FBXO34: variants seen among roughly 807,000 people sequenced by gnomAD.
FBXO34 encodes F-box only protein 34.
Under a neutral mutation model 24.5 loss-of-function variants are expected in FBXO34, and 12 were observed. The ratio of observed to expected loss-of-function variants is 0.49; its 90% CI spans 0.31 to 0.79. FBXO34 has a LOEUF of 0.79. Ranked by LOEUF, FBXO34 falls within the 30% of genes least tolerant of loss-of-function variation. FBXO34 has a pLI of 0.04. For synonymous variants in FBXO34, 320 were observed against 311.9 expected (o/e 1.03, Z -0.27); for missense variants, 823 against 857.7 (o/e 0.96, Z 0.51).
chr14:55,357,822 A>G (rs1404295819), downstream of FBXO34, among the ~76,000 whole-genome samples: 1 of 152,254 alleles, frequency 6.6e-6, no homozygotes, highest in African/African-American at 2.4e-5. Flanking sequence ...AGATGTTGAT[A>G]AAGTTCTTAA....
chr14:55,325,164 T>A (rs1883298749), intron 1 of FBXO34, among the ~76,000 whole-genome samples: 1 of 152,242 alleles, frequency 6.6e-6, no homozygotes, highest in Admixed American at 6.5e-5. Context: ...ATTATTTCCC[T>A]ATAAGAATTT....
At chr14:55,330,791 A>G (rs983037994) in intron 1 of FBXO34, among the ~76,000 whole-genome samples, 7 of 152,154 alleles carry the variant, frequency 4.6e-5, no homozygotes, top group Admixed American at 1.3e-4. Context: ...CCCTGGTTCA[A>G]TCAATCAGTA....
chr14:55,354,830 A>G (rs10150760), downstream of FBXO34, among the ~76,000 whole-genome samples: 63,006 of 151,896 alleles, frequency 0.41, 13,279 homozygotes, highest in Non-Finnish European at 0.43. Flanking sequence ...TGAAAACAGC[A>G]GGCTTTTAAA....
intron 1 of FBXO34, among the ~76,000 whole-genome samples, chr14:55,328,183 T>C (rs372811599): frequency 1.3e-5 from 2 of 152,076 alleles, no homozygotes; most frequent in Admixed American, 1.3e-4. Context: ...GGTCTCGAAC[T>C]CCTGACCTCA....
At chr14:55,441,452 C>T in the FBXO34 span, among the ~76,000 whole-genome samples, 70 of 152,244 alleles carry the variant, frequency 4.6e-4, no homozygotes, top group Admixed American at 3.2e-3. Context: ...CACTGCATTC[C>T]GCCAGGGATG....
At chr14:55,348,214 T>C (rs10134838) in intron 1 of FBXO34, among the ~76,000 whole-genome samples, 5,586 of 152,186 alleles carry the variant, frequency 0.037, 250 homozygotes, top group East Asian at 0.12. Context: ...GTTGGGTTTG[T>C]TTGGTTGGGT....
chr14:55,352,584 C>T lies in FBXO34; in HGVS notation c.*58C>T, dbSNP rs966828794. On this transcript the variant is annotated 3_prime_UTR_variant, in exon 2 of 2. Transcript: ENST00000313833. Reference sequence around the variant, plus strand: ...TCTAAAGCTGCAAAACACCTAGATACACCGTTCAAATGAGCGTAGCCCCCT... The same window carrying T: ...TCTAAAGCTGCAAAACACCTAGATATACCGTTCAAATGAGCGTAGCCCCCT... The T allele has an allele frequency of 3.5e-6, 5 of 1,418,194 alleles. No homozygotes were observed. Among genetic ancestry groups the T allele is most frequent in the Non-Finnish European group, 4.8e-6 (5 of 1,047,106 alleles). 87.9% of individuals were successfully genotyped at this position (1,418,194 alleles called of 1,614,324 possible).
the FBXO34 span, chr14:55,380,824 T>G: frequency 5.9e-6 from 2 of 339,490 alleles, no homozygotes; most frequent in South Asian, 6.9e-5. Flanking sequence ...AGATGCTCCA[T>G]GACCAGACAT....
the FBXO34 span, among the ~76,000 whole-genome samples, chr14:55,428,359 G>A: frequency 6.6e-6 from 1 of 151,916 alleles, no homozygotes; most frequent in Non-Finnish European, 1.5e-5. Flanking sequence ...TCGATCTCCT[G>A]ACCTCGTGAT....
chr14:55,336,973 T>A (rs1014277305), intron 1 of FBXO34, among the ~76,000 whole-genome samples: 2 of 97,936 alleles, frequency 2.0e-5, no homozygotes, highest in Non-Finnish European at 3.3e-5. Flanking sequence ...CTCTTTTTTT[T>A]ATTTTATTTT....
chr14:55,370,457 A>G (rs1884788645), downstream of FBXO34, among the ~76,000 whole-genome samples: 1 of 152,200 alleles, frequency 6.6e-6, no homozygotes, highest in Non-Finnish European at 1.5e-5. Flanking sequence ...AACTGTTTAG[A>G]ATATATTCAG....
At chr14:55,318,345 TA>T (rs1883004757) in intron 1 of FBXO34, 1 of 1,480 alleles carries the variant, frequency 6.8e-4, no homozygotes, top group African/African-American at 8.6e-4. Flanking sequence ...TATATATATA[TA>T]TATATATATA....
At chr14:55,339,091 C>T (rs1470618697) in intron 1 of FBXO34, among the ~76,000 whole-genome samples, 1 of 152,048 alleles carries the variant, frequency 6.6e-6, no homozygotes, top group Non-Finnish European at 1.5e-5. Flanking sequence ...CACTCTGACT[C>T]AATAATTTCA....
Position 55,352,575 on chromosome 14 carries a change from A to G in FBXO34, c.*49A>G. The G allele has an allele frequency of 6.9e-7, 1 of 1,442,686 alleles. No individual in the cohort carries two copies. The highest frequency in any genetic ancestry group is 1.4e-5 in the South Asian group (1 of 72,942). 89.4% of individuals were successfully genotyped at this position (1,442,686 alleles called of 1,614,324 possible). ...GGACCGGTTTCTAAAGCTGCAAAACACCTAGATACACCGTTCAAATGAGCG... is the reference window on the plus strand; with the variant it reads ...GGACCGGTTTCTAAAGCTGCAAAACGCCTAGATACACCGTTCAAATGAGCG... On this transcript the variant is annotated 3_prime_UTR_variant, in exon 2 of 2. Transcript: ENST00000313833.
intron 1 of FBXO34, among the ~76,000 whole-genome samples, chr14:55,283,184 T>G (rs1480979618): frequency 2.0e-5 from 3 of 152,232 alleles, no homozygotes; most frequent in African/African-American, 7.2e-5. Flanking sequence ...AGGGAGGGCC[T>G]TAAGAGCTTT....
the FBXO34 span, among the ~76,000 whole-genome samples, chr14:55,402,946 T>A: frequency 2.3e-4 from 13 of 56,664 alleles, no homozygotes; most frequent in South Asian, 7.8e-4. Flanking sequence ...TATATATATA[T>A]ATATATATAT....
intron 1 of FBXO34, among the ~76,000 whole-genome samples, chr14:55,336,401 C>T (rs1425216506): frequency 1.3e-5 from 2 of 152,190 alleles, no homozygotes; most frequent in African/African-American, 4.8e-5. Flanking sequence ...TCAGATCAGT[C>T]CCTGCAGAGC....
intron 1 of FBXO34, among the ~76,000 whole-genome samples, chr14:55,297,817 G>A (rs752385291): frequency 2.6e-5 from 4 of 152,038 alleles, no homozygotes; most frequent in Non-Finnish European, 4.4e-5. Flanking sequence ...CCAAAAAACC[G>A]GGAATGAAAA....
chr14:55,439,505 G>GT, the FBXO34 span, among the ~76,000 whole-genome samples: 2 of 151,626 alleles, frequency 1.3e-5, no homozygotes, highest in African/African-American at 4.8e-5. Flanking sequence ...GAACCAGGCG[G>GT]GGGGCCAGGA....
Sources: gnomAD v4.1 joint callset for allele counts (sites outside exome capture counted in the v4.1 genomes callset) on GRCh38, gnomAD v4.1.1 for gene constraint, MANE v1.5 for transcripts, NCBI Gene and HGNC (gene_info 2026-07-23, HGNC 2026-07-21) for gene names.